PDE8A: variants seen among roughly 807,000 people sequenced by gnomAD.
PDE8A encodes phosphodiesterase 8A.
In PDE8A, 59 loss-of-function variants were observed where a neutral mutation model predicts 105.0. That is an observed-to-expected ratio of 0.56 (90% CI 0.46 to 0.70). PDE8A has a LOEUF of 0.70. Ranked by LOEUF, PDE8A falls within the 30% of genes least tolerant of loss-of-function variation. The pLI, the probability that PDE8A is intolerant of heterozygous loss-of-function variation, is 0.00. For synonymous variants in PDE8A, 355 were observed against 371.9 expected (o/e 0.95, Z 0.52); for missense variants, 1,014 against 1,045.9 (o/e 0.97, Z 0.42).
At chr15:85,069,293 T>G (rs2081277705) in intron 3 of PDE8A, among the ~76,000 whole-genome samples, 1 of 152,208 alleles carries the variant, frequency 6.6e-6, no homozygotes, top group African/African-American at 2.4e-5. Flanking sequence ...GTGCCTCTCC[T>G]CTATGAAGTG....
chr15:85,039,518 A>G (rs1267713292), intron 1 of PDE8A, among the ~76,000 whole-genome samples: 1 of 152,164 alleles, frequency 6.6e-6, no homozygotes, highest in African/African-American at 2.4e-5. Context: ...GTAAATATAT[A>G]CAGTCACTTT....
intron 8 of PDE8A, 57 bp downstream of exon 8, chr15:85,091,238 T>G: frequency 6.9e-7 from 1 of 1,458,498 alleles, no homozygotes; most frequent in Non-Finnish European, 9.3e-7. Flanking sequence ...AAGGAAGACT[T>G]AGTGTTCATT....
chr15:85,023,021 G>A (rs1387977648), intron 1 of PDE8A, among the ~76,000 whole-genome samples: 1 of 152,194 alleles, frequency 6.6e-6, no homozygotes, highest in Non-Finnish European at 1.5e-5. Context: ...TAGGTAATGG[G>A]GTTAGCTCTT....
chr15:85,137,759 G>C lies in PDE8A; in HGVS notation c.2384-38G>C, dbSNP rs188531306. On this transcript the variant is annotated intron_variant, in intron 21 of 21. Transcript: ENST00000394553. ...GTGAAAGCCTAAAATGTAAACAGAG[G>C]CTGTGAAAGCATATCACATTCCTAT... The C allele has an allele frequency of 1.2e-5, 15 of 1,236,262 alleles. No homozygotes were observed. In the Admixed American group the frequency reaches 2.2e-4, roughly 18 times the overall value. The allele number at this position is 1,236,262 out of a possible 1,614,324, so 76.6% of individuals were successfully genotyped here.
intron 1 of PDE8A, among the ~76,000 whole-genome samples, chr15:85,040,781 G>T (rs925943405): frequency 6.6e-6 from 1 of 151,742 alleles, no homozygotes; most frequent in Non-Finnish European, 1.5e-5. Flanking sequence ...GGATGGTCTC[G>T]ATCTCCTGAC....
intron 18 of PDE8A, among the ~76,000 whole-genome samples, chr15:85,121,775 A>G (rs975514469): frequency 1.3e-5 from 2 of 152,238 alleles, no homozygotes; most frequent in East Asian, 3.9e-4. Context: ...GTTCCTTTCC[A>G]TTCCCCCTCA....
At chr15:85,133,965 G>A (rs1181767609) in intron 20 of PDE8A, among the ~76,000 whole-genome samples, 1 of 152,162 alleles carries the variant, frequency 6.6e-6, no homozygotes, top group Admixed American at 6.5e-5. Context: ...GGGGCACAGC[G>A]GTGAAATGTG....
At chr15:85,061,449 A>G (rs1447406302) in intron 1 of PDE8A, among the ~76,000 whole-genome samples, 1 of 151,846 alleles carries the variant, frequency 6.6e-6, no homozygotes, top group South Asian at 2.1e-4. Context: ...CATGTTGGCC[A>G]GGCTGGTTTC....
chr15:84,988,738 T>C (rs1367010950), intron 1 of PDE8A, among the ~76,000 whole-genome samples: 3 of 152,234 alleles, frequency 2.0e-5, no homozygotes, highest in African/African-American at 7.2e-5. Context: ...GCTTGCACTC[T>C]TTTCTCTGCT....
At chr15:85,078,791 A>G (rs1031864048) in intron 5 of PDE8A, among the ~76,000 whole-genome samples, 3 of 152,212 alleles carry the variant, frequency 2.0e-5, no homozygotes, top group Non-Finnish European at 2.9e-5. Flanking sequence ...TGGTCTGTAT[A>G]GGGTAAATAT....
chr15:85,069,369 G>A (rs1459521658), intron 3 of PDE8A, among the ~76,000 whole-genome samples: 4 of 152,188 alleles, frequency 2.6e-5, no homozygotes. Flanking sequence ...CTGAGATTTA[G>A]AAGCTTTGCT....
chr15:85,053,442 CCTAT>C (rs1341782821), intron 1 of PDE8A, among the ~76,000 whole-genome samples: 2 of 152,186 alleles, frequency 1.3e-5, no homozygotes, highest in Non-Finnish European at 2.9e-5. Flanking sequence ...ATTGATTCTT[CCTAT>C]CTGTGAGCAT....
chr15:85,037,947 T>G (rs2080734284), intron 1 of PDE8A, among the ~76,000 whole-genome samples: 1 of 152,252 alleles, frequency 6.6e-6, no homozygotes, highest in Admixed American at 6.5e-5. Flanking sequence ...ATACAAATTG[T>G]AGATGCAAAC....
intron 1 of PDE8A, among the ~76,000 whole-genome samples, chr15:85,030,412 GTCAC>G (rs2080595006): frequency 6.6e-6 from 1 of 152,046 alleles, no homozygotes; most frequent in Non-Finnish European, 1.5e-5. Flanking sequence ...GTGAGAATTA[GTCAC>G]TCACTTCCAG....
chr15:85,071,658 A>G (rs554972781), intron 3 of PDE8A, among the ~76,000 whole-genome samples: 9 of 152,272 alleles, frequency 5.9e-5, no homozygotes, highest in Middle Eastern at 3.4e-3. Context: ...TGTTGATGTG[A>G]TCTACCGCCC....
intron 11 of PDE8A, 83 bp downstream of exon 11, chr15:85,100,281 G>A: frequency 1.7e-6 from 2 of 1,193,032 alleles, no homozygotes; most frequent in South Asian, 2.6e-5. Context: ...TAGCTTGCCT[G>A]GTGTAATGGT....
chr15:85,118,587 C>T (rs1156500708), intron 17 of PDE8A, among the ~76,000 whole-genome samples: 1 of 152,206 alleles, frequency 6.6e-6, no homozygotes, highest in Non-Finnish European at 1.5e-5. Flanking sequence ...CCACCTCCCT[C>T]AGGATTTAAA....
At chr15:84,996,919 A>G (rs1191998259) in intron 1 of PDE8A, among the ~76,000 whole-genome samples, 1 of 150,818 alleles carries the variant, frequency 6.6e-6, no homozygotes, top group African/African-American at 2.4e-5. Flanking sequence ...TGAGTGAGTC[A>G]GTGAATGAGT....
intron 1 of PDE8A, among the ~76,000 whole-genome samples, chr15:84,994,602 C>G: frequency 6.6e-6 from 1 of 152,226 alleles, no homozygotes; most frequent in Middle Eastern, 3.2e-3. Flanking sequence ...ACTGTACTTG[C>G]TTTATCACAT....
Sources: gnomAD v4.1 joint callset for allele counts (sites outside exome capture counted in the v4.1 genomes callset) on GRCh38, gnomAD v4.1.1 for gene constraint, MANE v1.5 for transcripts, NCBI Gene and HGNC (gene_info 2026-07-23, HGNC 2026-07-21) for gene names.